Variants in RAD51B observed in about 807,000 individuals in gnomAD.
The protein encoded by RAD51B is RAD51 paralog B, also known as DNA repair protein RAD51 homolog 2.
In RAD51B, 38 loss-of-function variants were observed where a neutral mutation model predicts 42.2. The ratio of observed to expected loss-of-function variants is 0.90; its 90% CI spans 0.70 to 1.18. RAD51B has a LOEUF of 1.18. RAD51B is among the 50% of genes most tolerant of loss of function. The pLI is 0.00. For synonymous variants in RAD51B, 154 were observed against 145.2 expected, an observed-to-expected ratio of 1.06 and a Z score of -0.43; for missense variants, 373 against 400.7, an observed-to-expected ratio of 0.93 and a Z score of 0.59.
At chr14:68,486,267 A>G (rs1384601094) in intron 10 of RAD51B, among the ~76,000 whole-genome samples, 1 of 152,176 alleles carries the variant, frequency 6.6e-6, no homozygotes, top group African/African-American at 2.4e-5. Flanking sequence ...GGAGCCTATG[A>G]TAGTTTTTCC....
chr14:68,427,819 G>A (rs1370765816), intron 9 of RAD51B, among the ~76,000 whole-genome samples: 1 of 152,152 alleles, frequency 6.6e-6, no homozygotes, highest in African/African-American at 2.4e-5. Context: ...CATGAATTTG[G>A]GGGGCTGGGG....
downstream of RAD51B, among the ~76,000 whole-genome samples, chr14:68,599,955 C>T (rs1891152692): frequency 6.6e-6 from 1 of 152,188 alleles, no homozygotes. Context: ...CTCAGAGAGC[C>T]TAATCATTCT....
chr14:68,535,074 G>T (rs1402285060), intron 10 of RAD51B, among the ~76,000 whole-genome samples: 1 of 152,064 alleles, frequency 6.6e-6, no homozygotes, highest in Admixed American at 6.5e-5. Context: ...ACACACTCTA[G>T]CTCTGGTTTG....
intron 7 of RAD51B, among the ~76,000 whole-genome samples, chr14:68,001,889 T>C (rs1284547427): frequency 6.6e-6 from 1 of 152,236 alleles, no homozygotes; most frequent in Non-Finnish European, 1.5e-5. Context: ...AATTTTTTTA[T>C]GGCTGCATAG....
chr14:68,259,368 G>A (rs7148625), intron 7 of RAD51B, among the ~76,000 whole-genome samples: 5 of 151,744 alleles, frequency 3.3e-5, no homozygotes, highest in African/African-American at 7.3e-5. Flanking sequence ...GAGTTAATGG[G>A]TGCAGCATAC....
At chr14:68,625,482 A>AT (rs1224484965) in intron 10 of RAD51B, among the ~76,000 whole-genome samples, 1 of 151,800 alleles carries the variant, frequency 6.6e-6, no homozygotes, top group African/African-American at 2.4e-5. Context: ...ATTTTTATTT[A>AT]TTTTTTATGA....
intron 9 of RAD51B, among the ~76,000 whole-genome samples, chr14:68,451,472 T>C (rs545827484): frequency 1.3e-5 from 2 of 152,310 alleles, no homozygotes; most frequent in African/African-American, 4.8e-5. Flanking sequence ...GGGAGAGTTA[T>C]TGTATAAAGT....
intron 4 of RAD51B, among the ~76,000 whole-genome samples, chr14:67,864,313 A>G (rs1192896808): frequency 2.0e-5 from 3 of 152,188 alleles, no homozygotes; most frequent in Non-Finnish European, 4.4e-5. Context: ...CAACTTTTAT[A>G]ATCTCAAAAT....
intron 10 of RAD51B, among the ~76,000 whole-genome samples, chr14:68,509,539 A>G (rs1885576817): frequency 6.6e-6 from 1 of 152,246 alleles, no homozygotes; most frequent in South Asian, 2.1e-4. Flanking sequence ...TTAAATAAGC[A>G]TGAAGATACT....
chr14:67,844,622 A>ATT (rs1176846121), intron 4 of RAD51B, among the ~76,000 whole-genome samples: 25 of 147,404 alleles, frequency 1.7e-4, no homozygotes, highest in African/African-American at 6.0e-4. Context: ...TTATATATAT[A>ATT]TATTTTTTTT....
At chr14:68,429,784 G>A (rs1594824554) in intron 9 of RAD51B, among the ~76,000 whole-genome samples, 1 of 150,962 alleles carries the variant, frequency 6.6e-6, no homozygotes. Context: ...TGGCTTTTGT[G>A]GCCCTTGCTT....
chr14:68,528,778 A>G (rs544557059), intron 10 of RAD51B, among the ~76,000 whole-genome samples: 2 of 152,316 alleles, frequency 1.3e-5, no homozygotes, highest in South Asian at 4.1e-4. Flanking sequence ...TACTTATTCT[A>G]GTATGTCCTG....
At chr14:68,580,890 G>A (rs1414599130) in intron 10 of RAD51B, among the ~76,000 whole-genome samples, 2 of 152,202 alleles carry the variant, frequency 1.3e-5, no homozygotes, top group Non-Finnish European at 2.9e-5. Flanking sequence ...GCGGGGACGT[G>A]GCAGCTGTGC....
chr14:67,959,649 T>C (rs1595168623), intron 7 of RAD51B, among the ~76,000 whole-genome samples: 1 of 152,220 alleles, frequency 6.6e-6, no homozygotes, highest in Admixed American at 6.5e-5. Context: ...TTAAAGTTGA[T>C]AAAACAGTCA....
chr14:68,339,132 G>A (rs1032200341), intron 8 of RAD51B: 3 of 703,998 alleles, frequency 4.3e-6, no homozygotes, highest in Non-Finnish European at 7.8e-6. Flanking sequence ...AAGGACAGGT[G>A]GTCTCTTAGT....
At chr14:68,544,262 C>T (rs981098055) in intron 10 of RAD51B, among the ~76,000 whole-genome samples, 7 of 152,196 alleles carry the variant, frequency 4.6e-5, no homozygotes, top group Non-Finnish European at 7.3e-5. Flanking sequence ...AGGCCGCCTA[C>T]GCATACTTGC....
At chr14:67,997,856 C>T (rs1000342032) in intron 7 of RAD51B, among the ~76,000 whole-genome samples, 9 of 152,102 alleles carry the variant, frequency 5.9e-5, no homozygotes, top group African/African-American at 1.9e-4. Context: ...CATTATCTTT[C>T]TCGTGCCAAA....
At chr14:68,046,484 A>G (rs931600126) in intron 7 of RAD51B, among the ~76,000 whole-genome samples, 3 of 152,208 alleles carry the variant, frequency 2.0e-5, no homozygotes, top group Non-Finnish European at 2.9e-5. Flanking sequence ...CATGCCTGCA[A>G]TCCCAGCACT....
chr14:68,072,135 T>TAAAA (rs1566623194), intron 7 of RAD51B, among the ~76,000 whole-genome samples: 175 of 131,046 alleles, frequency 1.3e-3, no homozygotes, highest in African/African-American at 5.0e-3. Context: ...ATATATATAA[T>TAAAA]TATATATATA....
Sources: gnomAD v4.1 joint callset for allele counts (sites outside exome capture counted in the v4.1 genomes callset) on GRCh38, gnomAD v4.1.1 for gene constraint, MANE v1.5 for transcripts, NCBI Gene and HGNC (gene_info 2026-07-23, HGNC 2026-07-21) for gene names.